FARP2: variants seen among roughly 807,000 people sequenced by gnomAD.
FARP2 encodes FERM, ARH/RhoGEF and pleckstrin domain protein 2.
A neutral mutation model predicts 130.5 loss-of-function variants in FARP2; 111 were observed. The observed-to-expected ratio is 0.85, with a 90% CI of 0.73 to 1.00. The LOEUF is 1.00. Ranked by LOEUF, FARP2 falls within the 50% of genes least tolerant of loss-of-function variation. The pLI is 0.00. For synonymous variants in FARP2, 504 were observed against 516.9 expected (o/e 0.98, Z 0.34); for missense variants, 1,385 against 1,346.3 (o/e 1.03, Z -0.45).
chr2:241,466,234 C>G, intron 17 of FARP2: 1 of 985,460 alleles, frequency 1.0e-6, no homozygotes, highest in South Asian at 4.7e-5. Context: ...CCCTGTCCCC[C>G]TACAGTGCAA....
At chr2:241,472,460 G>C (rs917924842) in intron 18 of FARP2, among the ~76,000 whole-genome samples, 6 of 151,870 alleles carry the variant, frequency 4.0e-5, no homozygotes, top group African/African-American at 1.4e-4. Flanking sequence ...TGGGGACCCT[G>C]TTCTGAGGGG....
At chr2:241,437,251 A>G (rs2063255350) in intron 12 of FARP2, among the ~76,000 whole-genome samples, 1 of 152,224 alleles carries the variant, frequency 6.6e-6, no homozygotes. Context: ...GATTGCAACT[A>G]TATCAAAACA....
At position 241,435,013 on chromosome 2, in the gene FARP2, G is replaced by A. The variant is rs2063188179; in HGVS notation, c.1083G>A (p.Lys361=). The change falls in exon 11 of 27, where the codon AAG becomes AAA. Residue 361 remains lysine (K), a synonymous_variant. Coordinates refer to ENST00000264042, the MANE Select transcript of FARP2 (RefSeq NM_014808.4). ...LVDYFKDSGM[K]RIPYERRHSK... Reference sequence around the variant, plus strand: ...ATTATTTCAAAGACAGTGGAATGAAGAGAATTCCATATGAAAGGTAAGCTC... The same window carrying A: ...ATTATTTCAAAGACAGTGGAATGAAAAGAATTCCATATGAAAGGTAAGCTC... 2 of 1,591,626 alleles carry A rather than the reference G, an allele frequency of 1.3e-6. No homozygotes were observed. The highest frequency in any genetic ancestry group is 1.1e-5 in the South Asian group (1 of 88,822).
intron 2 of FARP2, among the ~76,000 whole-genome samples, chr2:241,390,186 C>A (rs754682926): frequency 6.6e-6 from 1 of 152,182 alleles, no homozygotes; most frequent in Admixed American, 6.5e-5. Context: ...TTGCTCTGTC[C>A]CTATTGCTAG....
intron 5 of FARP2, 70 bp from the exon 6 acceptor site, chr2:241,410,963 G>T: frequency 9.2e-7 from 1 of 1,081,310 alleles, no homozygotes. Context: ...TCTTGCTGTG[G>T]AGACATGTCT....
intron 13 of FARP2, among the ~76,000 whole-genome samples, chr2:241,447,568 G>T (rs576670264): frequency 1.3e-5 from 2 of 152,234 alleles, no homozygotes; most frequent in African/African-American, 4.8e-5. Flanking sequence ...TGAAAATGAG[G>T]TTATTATTGC....
At chr2:241,473,376 G>A (rs893280196) in intron 18 of FARP2, among the ~76,000 whole-genome samples, 1 of 151,888 alleles carries the variant, frequency 6.6e-6, no homozygotes, top group Non-Finnish European at 1.5e-5. Context: ...ATTCTGTGGG[G>A]GCCATGTTCT....
At chr2:241,442,872 C>A (rs1375994341) in intron 13 of FARP2, 2 of 239,124 alleles carry the variant, frequency 8.4e-6, no homozygotes, top group Admixed American at 1.0e-4. Context: ...CAATTCTGTT[C>A]ATGTTGATCT....
chr2:241,357,247 C>T (rs1427306586), intron 1 of FARP2, among the ~76,000 whole-genome samples: 1 of 152,054 alleles, frequency 6.6e-6, no homozygotes, highest in South Asian at 2.1e-4. Context: ...GTTTTGTTTC[C>T]GTGGGATATT....
chr2:241,457,574 T>C (rs1359535287), intron 14 of FARP2, among the ~76,000 whole-genome samples: 1 of 92,412 alleles, frequency 1.1e-5, no homozygotes, highest in African/African-American at 4.1e-5. Flanking sequence ...GGAGAGGCTC[T>C]TGGGCGGGAG....
At chr2:241,483,359 A>G (rs1202876096) in intron 19 of FARP2, 106 bp from the exon 20 acceptor site, 3 of 923,066 alleles carry the variant, frequency 3.3e-6, no homozygotes, top group African/African-American at 3.2e-5. Context: ...GGGAGGAGCC[A>G]GAGGAGCACA....
intron 2 of FARP2, among the ~76,000 whole-genome samples, chr2:241,381,171 G>T (rs535697512): frequency 6.6e-6 from 1 of 152,164 alleles, no homozygotes; most frequent in South Asian, 2.1e-4. Context: ...CTCTGCTGTG[G>T]GCCCTGTACC....
rs201905381 is a variant in FARP2 at position 241,491,627 on chromosome 2, G to C, written c.2735G>C (p.Cys912Ser). The change falls in exon 24 of 27, where the codon TGC (cysteine) becomes TCC (serine). Residue 912 changes from cysteine (C) to serine (S), a missense_variant. By Grantham distance (112) the Cys-to-Ser change is moderately radical. Coordinates refer to ENST00000264042, the MANE Select transcript of FARP2 (RefSeq NM_014808.4). ...QHRANTTMHV[C>S]WYRNTSVSRA... ...CGGGCCAACACCACAATGCACGTGT[G>C]CTGGTACCGGAACACCAGCGTGTCC... The C allele has an allele frequency of 6.2e-7, 1 of 1,613,544 alleles. No individual in the cohort carries two copies. The highest frequency in any genetic ancestry group is 2.2e-5 in the East Asian group (1 of 44,880).
chr2:241,378,416 A>ATTTTTTT lies in FARP2; in HGVS notation c.183+5133_183+5139dup, dbSNP rs10692211. ...AGGTGCCAGCCACCATGCCTGGCCTATTTTTTTTTTTTTGAGTCAGGATCT... is the reference window on the plus strand; with the variant it reads ...AGGTGCCAGCCACCATGCCTGGCCTATTTTTTTTTTTTTTTTTTTTGAGTCAGGATCT... On this transcript the variant is annotated intron_variant, in intron 2 of 26. Coordinates refer to ENST00000264042, the MANE Select transcript of FARP2 (RefSeq NM_014808.4). Among the ~76,000 whole-genome samples, 9 of 107,666 alleles carry ATTTTTTT rather than the reference A, an allele frequency of 8.4e-5. 4 individuals carry two copies. Among genetic ancestry groups the ATTTTTTT allele is most frequent in the Admixed American group, 3.4e-4 (3 of 8,818 alleles). The allele number at this position is 107,666 out of a possible 152,430, so 70.6% of individuals were successfully genotyped here.
chr2:241,464,086 C>A, intron 17 of FARP2, 106 bp downstream of exon 17: 1 of 885,686 alleles, frequency 1.1e-6, no homozygotes, highest in Non-Finnish European at 1.8e-6. Context: ...GAAAAGGGTC[C>A]CCTCAGAACA....
At chr2:241,487,892 C>T (rs1395192234) in intron 21 of FARP2, among the ~76,000 whole-genome samples, 2 of 151,078 alleles carry the variant, frequency 1.3e-5, no homozygotes, top group East Asian at 2.0e-4. Flanking sequence ...GGACTACAGG[C>T]GCCCGCCACC....
At chr2:241,476,594 C>T (rs10173174) in intron 19 of FARP2, among the ~76,000 whole-genome samples, 56,959 of 151,980 alleles carry the variant, frequency 0.37, 10,942 homozygotes, top group Admixed American at 0.52. Context: ...GAGGCTGAGG[C>T]AGGAGAATCG....
intron 2 of FARP2, among the ~76,000 whole-genome samples, chr2:241,375,924 T>A (rs1316245719): frequency 6.6e-6 from 1 of 152,198 alleles, no homozygotes; most frequent in Non-Finnish European, 1.5e-5. Flanking sequence ...TGCCTGCTGA[T>A]ACACACCTTT....
At position 241,408,229 on chromosome 2, in the gene FARP2, G is replaced by A. The variant is rs753695327; in HGVS notation, c.410+614G>A. 8.3e-4 allele frequency among the ~76,000 whole-genome samples: 126 copies of A among 152,254 alleles called. 1 individual carries two copies. Among genetic ancestry groups the A allele is most frequent in the African/African-American group, 2.8e-3 (115 of 41,556 alleles). On this transcript the variant is annotated intron_variant, in intron 5 of 26. Transcript: ENST00000264042. ...CCACTAAAAATACAAAAAATAAGCC[G>A]GGCATGGTGGCGGGCACCTGTAGTC...
Sources: allele counts gnomAD v4.1 joint callset (sites outside exome capture counted in the v4.1 genomes callset), GRCh38; gene constraint gnomAD v4.1.1; transcripts MANE v1.5; gene names NCBI Gene and HGNC (gene_info 2026-07-23, HGNC 2026-07-21).